The following ADGRL3 variants were observed in gnomAD, a reference collection of about 807,000 sequenced individuals.
The protein encoded by ADGRL3 is calcium-independent alpha-latrotoxin receptor 3.
In ADGRL3, 62 loss-of-function variants were observed where a neutral mutation model predicts 153.5. That is an observed-to-expected ratio of 0.40 (90% CI 0.33 to 0.50). ADGRL3 has a LOEUF of 0.50. Ranked by LOEUF, ADGRL3 falls within the 20% of genes least tolerant of loss-of-function variation. ADGRL3 has a pLI of 0.47. For synonymous variants in ADGRL3, 710 were observed against 672.5 expected (o/e 1.06, Z -0.86); for missense variants, 1,641 against 1,859.4 (o/e 0.88, Z 2.16).
At chr4:61,371,272 T>G (rs1424477157) in intron 1 of ADGRL3, among the ~76,000 whole-genome samples, 180 of 143,992 alleles carry the variant, frequency 1.3e-3, no homozygotes, top group African/African-American at 4.0e-3. Context: ...ATCCTGTCAT[T>G]ATGATGTTAG....
intron 5 of ADGRL3, among the ~76,000 whole-genome samples, chr4:61,646,457 G>A (rs2093989209): frequency 6.6e-6 from 1 of 151,846 alleles, no homozygotes; most frequent in South Asian, 2.1e-4. Flanking sequence ...GTACAGATGG[G>A]TTTTTGGTGT....
intron 9 of ADGRL3, among the ~76,000 whole-genome samples, chr4:61,876,629 T>C (rs2098476991): frequency 6.6e-6 from 1 of 151,698 alleles, no homozygotes; most frequent in Non-Finnish European, 1.5e-5. Flanking sequence ...GAGTTGGGCC[T>C]GGGAGGGAAG....
chr4:61,457,204 G>A (rs2152558288), intron 2 of ADGRL3, among the ~76,000 whole-genome samples: 1 of 151,778 alleles, frequency 6.6e-6, no homozygotes, highest in African/African-American at 2.4e-5. Context: ...TTTTTAACAT[G>A]TAAAATAGAG....
intron 9 of ADGRL3, among the ~76,000 whole-genome samples, chr4:61,859,914 T>A (rs920002418): frequency 6.6e-6 from 1 of 152,214 alleles, no homozygotes. Flanking sequence ...CTTTTTCCAG[T>A]GCTTGTCTGA....
chr4:61,230,051 C>T (rs780741609), intron 1 of ADGRL3, among the ~76,000 whole-genome samples: 10 of 152,016 alleles, frequency 6.6e-5, no homozygotes, highest in Non-Finnish European at 1.5e-4. Flanking sequence ...AGCTGGAATA[C>T]CATGTATCTT....
chr4:61,432,635 T>C lies in ADGRL3; in HGVS notation c.-174+49446T>C, dbSNP rs1210791500. 3.6e-5 allele frequency among the ~76,000 whole-genome samples: 3 copies of C among 82,618 alleles called. 1 individual carries two copies. The highest frequency in any genetic ancestry group is 5.1e-5 in the Non-Finnish European group (2 of 39,226). The allele number at this position is 82,618 out of a possible 152,430, so 54.2% of individuals were successfully genotyped here. ...CTTTCTTTCTTTCTTTCTTTCTTTC[T>C]TTCTTTCTTTCTTTCTTTCTTTTTT... On this transcript the variant is annotated intron_variant, in intron 2 of 26. Coordinates refer to ENST00000683033, the MANE Select transcript of ADGRL3 (RefSeq NM_001387552.1).
chr4:61,570,319 A>G (rs939718033), intron 4 of ADGRL3, among the ~76,000 whole-genome samples: 8 of 152,150 alleles, frequency 5.3e-5, no homozygotes, highest in African/African-American at 1.4e-4. Context: ...CAAAATTCAT[A>G]GTAATTTCCT....
At chr4:61,597,349 A>C (rs2098993273) in intron 5 of ADGRL3, among the ~76,000 whole-genome samples, 1 of 152,150 alleles carries the variant, frequency 6.6e-6, no homozygotes, top group Admixed American at 6.5e-5. Flanking sequence ...TTAAAAGGTG[A>C]GTAGATGATA....
At chr4:61,520,069 T>C (rs1240487537) in intron 4 of ADGRL3, among the ~76,000 whole-genome samples, 1 of 152,222 alleles carries the variant, frequency 6.6e-6, no homozygotes, top group Non-Finnish European at 1.5e-5. Context: ...CATTTGACTC[T>C]TGATAGCTAA....
intron 2 of ADGRL3, among the ~76,000 whole-genome samples, chr4:61,418,103 G>A (rs888861514): frequency 6.6e-6 from 1 of 152,088 alleles, no homozygotes; most frequent in East Asian, 1.9e-4. Context: ...TGCCAGTTTC[G>A]GTGCTCTCGC....
intron 5 of ADGRL3, among the ~76,000 whole-genome samples, chr4:61,671,619 T>C (rs1000260139): frequency 2.6e-5 from 4 of 152,202 alleles, no homozygotes; most frequent in African/African-American, 9.6e-5. Flanking sequence ...TTCCAATTTC[T>C]GTATGCCAAT....
chr4:61,839,342 C>A (rs932052579), intron 9 of ADGRL3, among the ~76,000 whole-genome samples: 2 of 151,962 alleles, frequency 1.3e-5, no homozygotes, highest in Non-Finnish European at 2.9e-5. Context: ...AGGCATGCAA[C>A]ACCATGCCCA....
At chr4:61,650,094 A>G (rs182368378) in intron 5 of ADGRL3, among the ~76,000 whole-genome samples, 1 of 152,302 alleles carries the variant, frequency 6.6e-6, no homozygotes, top group African/African-American at 2.4e-5. Context: ...GTGGCGGAAC[A>G]TTTTAGGGCA....
intron 11 of ADGRL3, among the ~76,000 whole-genome samples, chr4:61,907,640 GAT>G (rs148695815): frequency 1.4e-4 from 21 of 149,226 alleles, no homozygotes; most frequent in Non-Finnish European, 1.6e-4. Context: ...ATATACACAT[GAT>G]ATATATATAT....
chr4:61,220,749 T>C (rs545981163), intron 1 of ADGRL3, among the ~76,000 whole-genome samples: 2 of 152,200 alleles, frequency 1.3e-5, no homozygotes, highest in Non-Finnish European at 2.9e-5. Context: ...TTACTTCATG[T>C]ATATCAAACT....
intron 2 of ADGRL3, among the ~76,000 whole-genome samples, chr4:61,424,594 GTT>G (rs1379946752): frequency 6.6e-6 from 1 of 152,176 alleles, no homozygotes; most frequent in African/African-American, 2.4e-5. Flanking sequence ...CTGCTATTAT[GTT>G]TTGTTGATTT....
chr4:62,035,780 C>A (rs1368861999), intron 23 of ADGRL3, among the ~76,000 whole-genome samples: 3 of 152,020 alleles, frequency 2.0e-5, no homozygotes, highest in Non-Finnish European at 2.9e-5. Context: ...ATAGAGCACC[C>A]ATGAAATTTA....
At chr4:61,504,392 C>A (rs975105626) in intron 3 of ADGRL3, among the ~76,000 whole-genome samples, 1 of 152,082 alleles carries the variant, frequency 6.6e-6, no homozygotes, top group South Asian at 2.1e-4. Flanking sequence ...TAATAGTGCA[C>A]ATTTATGGGG....
At chr4:61,220,512 T>G (rs570361057) in intron 1 of ADGRL3, among the ~76,000 whole-genome samples, 3 of 152,328 alleles carry the variant, frequency 2.0e-5, no homozygotes, top group African/African-American at 4.8e-5. Context: ...AATTCAGTCA[T>G]GTAATCTAAT....
Sources: allele counts gnomAD v4.1 joint callset (sites outside exome capture counted in the v4.1 genomes callset), GRCh38; gene constraint gnomAD v4.1.1; transcripts MANE v1.5; gene names NCBI Gene and HGNC (gene_info 2026-07-23, HGNC 2026-07-21).